The following ZNF91 variants were observed in gnomAD, a reference collection of about 807,000 sequenced individuals.
The protein encoded by ZNF91 is zinc finger protein 91 (HPF7, HTF10).
In ZNF91, 7 loss-of-function variants were observed where a neutral mutation model predicts 12.6. That is an observed-to-expected ratio of 0.55 (90% confidence interval 0.31 to 1.04). The LOEUF is 1.04. Among genes scored for constraint, ZNF91 ranks in the 50% least tolerant of loss-of-function variants. The pLI is 0.05. For missense variants in ZNF91, 1,217 were observed against 1,385.4 expected (o/e 0.88, Z 1.93); for synonymous variants, 453 against 462.6 (o/e 0.98, Z 0.27).
At chr19:23,321,384 C>G (rs1018635725) in intron 1 of ZNF91, among the ~76,000 whole-genome samples, 5 of 152,118 alleles carry the variant, frequency 3.3e-5, no homozygotes, top group African/African-American at 1.2e-4. Context: ...ACACATCACT[C>G]ATTCTAACAC....
intron 1 of ZNF91, among the ~76,000 whole-genome samples, chr19:23,390,781 T>C (rs1229891105): frequency 1.3e-5 from 2 of 152,230 alleles, no homozygotes; most frequent in Non-Finnish European, 2.9e-5. Context: ...TTTTCCCATA[T>C]TGCTCAGGCT....
At chr19:23,325,308 T>C (rs1369850590) in intron 1 of ZNF91, 1 of 152,114 alleles carries the variant, frequency 6.6e-6, no homozygotes, top group African/African-American at 2.4e-5. Context: ...CTTAAATCAG[T>C]GGACAGACTG....
intron 1 of ZNF91, chr19:23,384,822 A>G (rs1354904806): frequency 2.9e-6 from 2 of 700,214 alleles, no homozygotes; most frequent in East Asian, 5.1e-5. Flanking sequence ...TCACAGAAAC[A>G]CCCTCCTCAG....
Position 23,395,374 on chromosome 19 carries a change from TA to T in ZNF91, c.-21del. 1.2e-6 allele frequency: 2 copies of T among 1,613,650 alleles called. No individual in the cohort carries two copies. The highest frequency in any genetic ancestry group is 1.7e-6 in the Non-Finnish European group (2 of 1,179,780). Reference sequence around the variant, plus strand: ...TGGCATCTTAGCTGTGGCTCTCCAATACCTGCAGGTCACAGGGCCACACAGG... The same window carrying T: ...TGGCATCTTAGCTGTGGCTCTCCAATCCTGCAGGTCACAGGGCCACACAGG... On this transcript the variant is annotated 5_prime_UTR_variant, in exon 1 of 4. Coordinates refer to ENST00000300619, the MANE Select transcript of ZNF91 (RefSeq NM_003430.4).
Position 23,359,780 on chromosome 19 carries a change from C to A in ZNF91, c.3199G>T (p.Gly1067Ter). ...KAFISSSTLN[G>*]HKRIHTREKP... is the part of the protein sequence containing the mutation. The stretch of plus-strand genomic sequence containing the variant: ...TCTCTAGTATGAATTCTCTTATGTC[C>A]ATTTAGGGTTGAGGATGATATAAAT... The change falls in exon 4 of 4, where the codon GGA becomes TGA. Residue 1067 changes from glycine (G) to a stop codon, truncating the protein, a stop_gained. Coordinates refer to ENST00000300619, the MANE Select transcript of ZNF91 (RefSeq NM_003430.4). LOFTEE classifies it low-confidence loss of function (END_TRUNC). The A allele has an allele frequency of 6.2e-7, 1 of 1,610,804 alleles. No individual in the cohort carries two copies. Among genetic ancestry groups the A allele is most frequent in the Non-Finnish European group, 8.5e-7 (1 of 1,179,230 alleles).
chr19:23,384,851 C>A, intron 1 of ZNF91: 1 of 730,360 alleles, frequency 1.4e-6, no homozygotes. Context: ...AATACCATCT[C>A]CCTCACGATC....
upstream of ZNF91, among the ~76,000 whole-genome samples, chr19:23,310,773 C>T (rs1363893706): frequency 6.6e-6 from 1 of 152,124 alleles, no homozygotes; most frequent in East Asian, 1.9e-4. Context: ...GGCCTTGCCC[C>T]CCAGGTGATG....
In ZNF91 at chr19:23,316,294, C is replaced by A. The variant is rs142896933; in HGVS notation, n.117-7197G>T. On this transcript the variant is annotated intron_variant and non_coding_transcript_variant, in intron 1 of 1. Coordinates refer to the ZNF91 transcript ENST00000596528. ...CAGTGGATCTGGTGACATATCTCTG[C>A]ATTAATCACCTAAGAGATGTGGCTG... Among the ~76,000 whole-genome samples the A allele has an allele frequency of 2.9e-3, 435 of 152,152 alleles. 2 individuals are homozygous for A. The highest frequency in any genetic ancestry group is 0.01 in the African/African-American group (423 of 41,498).
At chr19:23,340,377 G>T (rs1968096141) in intron 3 of ZNF91, among the ~76,000 whole-genome samples, 1 of 152,008 alleles carries the variant, frequency 6.6e-6, no homozygotes, top group Admixed American at 6.6e-5. Flanking sequence ...TAATACAGAA[G>T]ATCACTAGAA....
upstream of ZNF91, among the ~76,000 whole-genome samples, chr19:23,315,231 G>A (rs1213282590): frequency 6.6e-6 from 1 of 152,106 alleles, no homozygotes; most frequent in Non-Finnish European, 1.5e-5. Flanking sequence ...TCTTGCCTGA[G>A]GTATTGTGAC....
chr19:23,360,469 T>C lies in ZNF91; in HGVS notation c.2510A>G (p.His837Arg). Residue 837 changes from histidine to arginine, a missense_variant, in exon 4 of 4, where the codon CAC (histidine) becomes CGC (arginine). Transcript: ENST00000300619. ...TTTATGTTTAGCAAGGGCTGAGGAG[T>C]GCTTAAAAGCTTTGCCACATTCTTT... ...KCKECGKAFKHSSALAKHKII... is the reference protein window; with the variant it reads ...KCKECGKAFKRSSALAKHKII... 1 of 1,612,894 alleles carries C rather than the reference T, an allele frequency of 6.2e-7. No homozygotes were observed.
chr19:23,373,897 T>C (rs1013836893), intron 2 of ZNF91, 60 bp from the exon 3 acceptor site: 14 of 1,254,200 alleles, frequency 1.1e-5, no homozygotes, highest in Non-Finnish European at 1.5e-5. Flanking sequence ...GCCAACTTAG[T>C]AATGTGCTCA....
chr19:23,389,138 C>T (rs182351983), intron 1 of ZNF91, among the ~76,000 whole-genome samples: 3 of 151,950 alleles, frequency 2.0e-5, no homozygotes, highest in Admixed American at 2.0e-4. Flanking sequence ...ATGTGTACCC[C>T]TAAACCAAAA....
chr19:23,355,839 G>C (rs536405779), downstream of ZNF91, among the ~76,000 whole-genome samples: 2 of 152,208 alleles, frequency 1.3e-5, no homozygotes, highest in East Asian at 3.9e-4. Context: ...AGTGGGCTAA[G>C]GACATGAATA....
At position 23,368,760 on chromosome 19, in the gene ZNF91, A is replaced by G. The variant is rs531653678; in HGVS notation, c.253+4982T>C. Among the ~76,000 whole-genome samples the G allele has an allele frequency of 4.6e-5, 7 of 152,188 alleles. 1 individual carries two copies. In the East Asian group the frequency reaches 9.6e-4, roughly 21 times the overall value. ...TGAAAATATTTACAAATTACATGTG[A>G]TAAGTGTGAATATCCAAAAAATATA... On this transcript the variant is annotated intron_variant, in intron 3 of 3. Coordinates refer to ENST00000300619, the MANE Select transcript of ZNF91 (RefSeq NM_003430.4).
intron 1 of ZNF91, among the ~76,000 whole-genome samples, chr19:23,386,904 T>C (rs1969891444): frequency 6.6e-6 from 1 of 152,206 alleles, no homozygotes; most frequent in African/African-American, 2.4e-5. Context: ...TTGCAAACTA[T>C]GCTTCTGACA....
At position 23,359,765 on chromosome 19, in the gene ZNF91, G is replaced by T; in HGVS notation, c.3214C>A (p.His1072Asn). ...CATTTGTAGGGTTTCTCTCTAGTAT[G>T]AATTCTCTTATGTCCATTTAGGGTT... The part of the protein sequence containing the change: ...SSTLNGHKRI[H>N]TREKPYKCEE... The change falls in exon 4 of 4, where the codon CAT (histidine) becomes AAT (asparagine). Residue 1072 changes from histidine to asparagine, a missense_variant. His to Asn is a moderately conservative substitution (Grantham distance 68). This residue lies in a region of ZNF91 where 491 missense variants were observed against 489.8 expected (regional missense o/e 1.00). Coordinates refer to ENST00000300619, the MANE Select transcript of ZNF91 (RefSeq NM_003430.4). 1 of 1,614,012 alleles carries T rather than the reference G, an allele frequency of 6.2e-7. No homozygotes were observed. Among genetic ancestry groups the T allele is most frequent in the Non-Finnish European group, 8.5e-7 (1 of 1,179,994 alleles).
intron 1 of ZNF91, chr19:23,384,807 T>C (rs1056227068): frequency 2.0e-5 from 14 of 685,038 alleles, no homozygotes; most frequent in African/African-American, 7.1e-5. Context: ...CCTCAGACTC[T>C]GTGTTCACAG....
intron 3 of ZNF91, among the ~76,000 whole-genome samples, chr19:23,349,810 C>A (rs1968319309): frequency 6.6e-6 from 1 of 152,098 alleles, no homozygotes; most frequent in African/African-American, 2.4e-5. Flanking sequence ...TCTCGGAGTA[C>A]CTGTATGTAA....
Sources: allele counts gnomAD v4.1 joint callset (sites outside exome capture counted in the v4.1 genomes callset), GRCh38; gene constraint gnomAD v4.1.1; regional missense constraint gnomAD v4.1.1; transcripts MANE v1.5; gene names NCBI Gene and HGNC (gene_info 2026-07-23, HGNC 2026-07-21).